The following ARK2C variants were observed in gnomAD, a reference collection of about 807,000 sequenced individuals.
ARK2C encodes arkadia (RNF111) C-terminal like ring finger ubiquitin ligase 2C, also known as E3 ubiquitin-protein ligase ARK2C.
chr18:46,347,446 C>T, the ARK2C span, among the ~76,000 whole-genome samples: 7 of 152,194 alleles, frequency 4.6e-5, no homozygotes, highest in East Asian at 9.7e-4. Flanking sequence ...CATCGTGCCG[C>T]CCCTGGAAAG....
At chr18:46,451,796 C>A in the ARK2C span, among the ~76,000 whole-genome samples, 1 of 152,074 alleles carries the variant, frequency 6.6e-6, no homozygotes, top group Admixed American at 6.6e-5. Context: ...CAGAGCAAGA[C>A]CCTGTATCAA....
At chr18:46,435,020 T>A in the ARK2C span, among the ~76,000 whole-genome samples, 2 of 152,128 alleles carry the variant, frequency 1.3e-5, no homozygotes, top group Non-Finnish European at 2.9e-5. Flanking sequence ...CCAGGTAATC[T>A]ACCACAGACA....
the ARK2C span, among the ~76,000 whole-genome samples, chr18:46,403,193 C>T: frequency 6.6e-6 from 1 of 152,208 alleles, no homozygotes; most frequent in East Asian, 1.9e-4. Context: ...TTGTGAATTC[C>T]AGAGTGTGCC....
chr18:46,369,123 G>A, the ARK2C span, among the ~76,000 whole-genome samples: 1 of 152,196 alleles, frequency 6.6e-6, no homozygotes, highest in Non-Finnish European at 1.5e-5. Flanking sequence ...TTTGAATCTA[G>A]ACCTCTATGA....
At chr18:46,370,368 C>T in the ARK2C span, among the ~76,000 whole-genome samples, 2 of 152,128 alleles carry the variant, frequency 1.3e-5, no homozygotes, top group Non-Finnish European at 2.9e-5. Flanking sequence ...AAATTAGAAG[C>T]AGGGAAATCA....
At chr18:46,421,365 A>ATCATTCATTCAT in the ARK2C span, among the ~76,000 whole-genome samples, 13 of 151,580 alleles carry the variant, frequency 8.6e-5, no homozygotes, top group East Asian at 2.0e-4. Context: ...CCTGTTCGTG[A>ATCATTCATTCAT]TCATTCATTC....
the ARK2C span, among the ~76,000 whole-genome samples, chr18:46,454,647 A>T: frequency 6.6e-6 from 1 of 152,200 alleles, no homozygotes; most frequent in Admixed American, 6.5e-5. Context: ...GAGAAGGGAG[A>T]CTTGGCATCC....
At chr18:46,376,218 CT>C in the ARK2C span, among the ~76,000 whole-genome samples, 1 of 152,212 alleles carries the variant, frequency 6.6e-6, no homozygotes, top group Non-Finnish European at 1.5e-5. Context: ...ACTTTTAGTT[CT>C]CTCTAAAATC....
chr18:46,438,656 C>T, the ARK2C span, among the ~76,000 whole-genome samples: 1 of 152,170 alleles, frequency 6.6e-6, no homozygotes, highest in East Asian at 1.9e-4. Context: ...AGCCAAGGTC[C>T]ATGAATAAGG....
the ARK2C span, among the ~76,000 whole-genome samples, chr18:46,397,685 T>G: frequency 1.7e-5 from 2 of 120,516 alleles, no homozygotes; most frequent in Non-Finnish European, 3.4e-5. Flanking sequence ...TGTGTGTGTG[T>G]GGTTATGCTG....
chr18:46,335,868 T>A, the ARK2C span: 1 of 984,372 alleles, frequency 1.0e-6, no homozygotes, highest in Non-Finnish European at 1.2e-6. Flanking sequence ...ATCAAATCTT[T>A]TTTTTTCTTC....
the ARK2C span, chr18:46,458,727 G>T: frequency 6.6e-6 from 1 of 152,234 alleles, no homozygotes; most frequent in South Asian, 2.1e-4. Context: ...TAATATCCTG[G>T]TGTTCTATAA....
the ARK2C span, among the ~76,000 whole-genome samples, chr18:46,416,751 A>G: frequency 6.6e-6 from 1 of 152,214 alleles, no homozygotes; most frequent in African/African-American, 2.4e-5. Context: ...TGTATATCAC[A>G]TGGTCTGTCA....
At chr18:46,440,193 A>T in the ARK2C span, among the ~76,000 whole-genome samples, 12 of 152,074 alleles carry the variant, frequency 7.9e-5, no homozygotes, top group Non-Finnish European at 1.8e-4. Context: ...AGTAGTCTCC[A>T]TTACCTGTGG....
At chr18:46,375,259 A>G in the ARK2C span, among the ~76,000 whole-genome samples, 1 of 151,772 alleles carries the variant, frequency 6.6e-6, no homozygotes, top group South Asian at 2.1e-4. Flanking sequence ...TTTCATCAAA[A>G]ATACTTGTCC....
chr18:46,435,439 G>A, the ARK2C span: 1 of 1,424,366 alleles, frequency 7.0e-7, no homozygotes, highest in Non-Finnish European at 9.9e-7. Context: ...AGGAAGGGAG[G>A]GAGGAGGGAG....
chr18:46,399,827 T>C, the ARK2C span, among the ~76,000 whole-genome samples: 108 of 152,314 alleles, frequency 7.1e-4, no homozygotes, highest in African/African-American at 2.5e-3. Context: ...CTTATTCTTC[T>C]CCTTCAGGTC....
the ARK2C span, among the ~76,000 whole-genome samples, chr18:46,424,560 C>T: frequency 6.6e-6 from 1 of 152,184 alleles, no homozygotes; most frequent in Admixed American, 6.5e-5. Flanking sequence ...GCTCTAGGAC[C>T]CTGGCGGCGG....
At chr18:46,377,136 C>T in the ARK2C span, among the ~76,000 whole-genome samples, 1 of 152,020 alleles carries the variant, frequency 6.6e-6, no homozygotes, top group African/African-American at 2.4e-5. Context: ...CATGGCCTGA[C>T]CTTGGATTAT....
Sources: gnomAD v4.1 joint callset for allele counts (sites outside exome capture counted in the v4.1 genomes callset) on GRCh38, gnomAD v4.1.1 for gene constraint, MANE v1.5 for transcripts, NCBI Gene and HGNC (gene_info 2026-07-23, HGNC 2026-07-21) for gene names.